Variants in SH3TC2 observed in about 807,000 individuals in gnomAD.
The protein encoded by SH3TC2 is SH3 domain and tetratricopeptide repeats 2, also known as SH3 domain and tetratricopeptide repeat-containing protein 2.
A neutral mutation model predicts 124.5 loss-of-function variants in SH3TC2; 87 were observed. The ratio of observed to expected loss-of-function variants is 0.70; its 90% CI spans 0.59 to 0.84. The LOEUF is 0.84. Among genes scored for constraint, SH3TC2 ranks in the 40% least tolerant of loss-of-function variants. The probability of loss-of-function intolerance (pLI) is 0.00; values close to 1 mark genes in which losing one functional copy is unlikely to be tolerated. For missense variants in SH3TC2, 1,536 were observed against 1,566.4 expected, an observed-to-expected ratio of 0.98 and a Z score of 0.33; for synonymous variants, 634 against 628.5, an observed-to-expected ratio of 1.01 and a Z score of -0.13.
At chr5:149,019,719 A>G (rs1753935829) in intron 12 of SH3TC2, among the ~76,000 whole-genome samples, 1 of 152,208 alleles carries the variant, frequency 6.6e-6, no homozygotes, top group African/African-American at 2.4e-5. Flanking sequence ...ATTTAGGAAA[A>G]CGGCGGAATC....
intron 8 of SH3TC2, among the ~76,000 whole-genome samples, chr5:149,037,814 G>T (rs889738825): frequency 3.3e-5 from 5 of 152,182 alleles, no homozygotes; most frequent in African/African-American, 1.2e-4. Flanking sequence ...AAGAGTAAGA[G>T]AAACACTCTG....
intron 1 of SH3TC2, chr5:149,057,451 A>T (rs867283312): frequency 1.3e-5 from 2 of 152,020 alleles, no homozygotes; most frequent in South Asian, 4.2e-4. Context: ...CCTGTGCAGG[A>T]TATGCAGGTT....
intron 12 of SH3TC2, among the ~76,000 whole-genome samples, chr5:149,014,828 G>A (rs928892271): frequency 1.5e-4 from 23 of 152,184 alleles, no homozygotes; most frequent in African/African-American, 4.8e-4. Context: ...AACTCAAGCC[G>A]GGTTGAGATT....
At position 148,999,921 on chromosome 5, in the gene SH3TC2, C is replaced by T; in HGVS notation, c.*4790G>A. ...CACTGCACTCAGAGTGACCTGTTCT[C>T]AGAAAACATCACCCCCTGTCCACCC... On this transcript the variant is annotated 3_prime_UTR_variant, in exon 17 of 17. Transcript: ENST00000515425. Among the ~76,000 whole-genome samples, 1 of 152,164 alleles carries T rather than the reference C, an allele frequency of 6.6e-6. No homozygotes were observed. The highest frequency in any genetic ancestry group is 1.9e-4 in the East Asian group (1 of 5,184).
At chr5:149,047,527 G>A (rs979297870) in intron 3 of SH3TC2, 33 of 308,752 alleles carry the variant, frequency 1.1e-4, no homozygotes, top group Admixed American at 3.1e-4. Context: ...TGAAATTACC[G>A]CATTAGAAAA....
chr5:149,028,793 A>G, intron 9 of SH3TC2, 75 bp from the exon 10 acceptor site: 1 of 1,487,556 alleles, frequency 6.7e-7, no homozygotes, highest in Non-Finnish European at 9.4e-7. Context: ...GGTGTACCCC[A>G]GATCAGTGGC....
chr5:149,028,131 A>C lies in SH3TC2; in HGVS notation c.1601T>G (p.Leu534Arg). The change falls in exon 11 of 17, where the codon CTG becomes CGG. Residue 534 changes from leucine to arginine, a missense_variant. By Grantham distance (102) the Leu-to-Arg change is moderately radical. Coordinates refer to ENST00000515425, the MANE Select transcript of SH3TC2 (RefSeq NM_024577.4). ...GACCTTCCTGATGCTCAGCCGGCCC[A>C]GGAGGAAGCAGAGACGGGCATGGGC... Reference protein sequence around the residue: ...TWAHARLCFLLGRLSIRKVKL... With the variant: ...TWAHARLCFLRGRLSIRKVKL... The C allele has an allele frequency of 6.2e-7, 1 of 1,614,108 alleles. No homozygotes were observed. The highest frequency in any genetic ancestry group is 8.5e-7 in the Non-Finnish European group (1 of 1,180,014).
In SH3TC2 at chr5:148,989,475, A is replaced by T. The variant is rs1190211099; in HGVS notation, c.*15236T>A. On this transcript the variant is annotated 3_prime_UTR_variant, in exon 17 of 17. Coordinates refer to ENST00000515425, the MANE Select transcript of SH3TC2 (RefSeq NM_024577.4). The stretch of plus-strand genomic sequence containing the variant: ...GAATTCATTCACATCCAGAAATCAC[A>T]TTGTAGTTGTTGAATCCTTTGGCAG... Among the ~76,000 whole-genome samples, 1 of 152,190 alleles carries T rather than the reference A, an allele frequency of 6.6e-6. No homozygotes were observed. The highest frequency in any genetic ancestry group is 2.4e-5 in the African/African-American group (1 of 41,434).
At position 149,052,173 on chromosome 5, in the gene SH3TC2, T is replaced by C; in HGVS notation, c.120A>G (p.Glu40=). 6.2e-7 allele frequency: 1 copy of C among 1,613,646 alleles called. No homozygotes were observed. Among genetic ancestry groups the C allele is most frequent in the South Asian group, 1.1e-5 (1 of 91,076 alleles). Residue 40 remains glutamate (E), a synonymous_variant, in exon 2 of 17, where the codon GAA becomes GAG. Coordinates refer to ENST00000515425, the MANE Select transcript of SH3TC2 (RefSeq NM_024577.4). The part of the protein sequence containing the change: ...SECIASSEYK[E]KCFLPQNINP... The stretch of plus-strand genomic sequence containing the variant: ...TAATGTTCTGTGGCAGAAAACATTT[T>C]TCCTTGTATTCAGATGAGGCTATAC...
rs1395693370 is a variant in SH3TC2, at chr5:148,990,081, A to T, written c.*14630T>A. Among the ~76,000 whole-genome samples the T allele has an allele frequency of 6.6e-6, 1 of 151,900 alleles. No homozygotes were observed. Among genetic ancestry groups the T allele is most frequent in the Non-Finnish European group, 1.5e-5 (1 of 67,984 alleles). On this transcript the variant is annotated 3_prime_UTR_variant, in exon 17 of 17. Transcript: ENST00000515425. ...AAGCCAGTTTTCCCTGCTTTCTCTCATGGGTGAACCATCCTGGGGAAACTG... is the reference window on the plus strand; with the variant it reads ...AAGCCAGTTTTCCCTGCTTTCTCTCTTGGGTGAACCATCCTGGGGAAACTG...
intron 8 of SH3TC2, chr5:149,036,128 A>T (rs114220051): frequency 2.4e-4 from 36 of 152,362 alleles, no homozygotes; most frequent in African/African-American, 8.7e-4. Context: ...CACATTTTAC[A>T]GATGAGAAAA....
At chr5:149,062,743 C>T (rs554889758) in intron 1 of SH3TC2, among the ~76,000 whole-genome samples, 1 of 152,318 alleles carries the variant, frequency 6.6e-6, no homozygotes, top group African/African-American at 2.4e-5. Flanking sequence ...ACAGAGTAAA[C>T]TCAAAGGCTC....
At chr5:149,016,852 G>A (rs1753882417) in intron 12 of SH3TC2, among the ~76,000 whole-genome samples, 2 of 151,402 alleles carry the variant, frequency 1.3e-5, no homozygotes, top group African/African-American at 4.8e-5. Flanking sequence ...ATGAACCCAG[G>A]AGGCGGAGGT....
rs775155760 is a variant in SH3TC2 at position 149,010,255 on chromosome 5, A to G, written c.3327+15T>C. On this transcript the variant is annotated intron_variant, in intron 14 of 16. Coordinates refer to ENST00000515425, the MANE Select transcript of SH3TC2 (RefSeq NM_024577.4). Reference sequence around the variant, plus strand: ...GCCAGGACCTGTCTCAGCAAACTGCACAGCTTGGACTTACTCGGTAGTACT... The same window carrying G: ...GCCAGGACCTGTCTCAGCAAACTGCGCAGCTTGGACTTACTCGGTAGTACT... 2.5e-6 allele frequency: 4 copies of G among 1,614,180 alleles called. No individual in the cohort carries two copies. The highest frequency in any genetic ancestry group is 3.4e-6 in the Non-Finnish European group (4 of 1,180,042).
chr5:149,052,206 C>T lies in SH3TC2; in HGVS notation c.87G>A (p.Ser29=), dbSNP rs148793803. Residue 29 remains serine, a synonymous_variant, in exon 2 of 17, where the codon TCG becomes TCA. Transcript: ENST00000515425. ...ATTCAGATGAGGCTATACACTCACTCGATACAGTTGGATCCTTGGAAGGAG... is the reference window on the plus strand; with the variant it reads ...ATTCAGATGAGGCTATACACTCACTTGATACAGTTGGATCCTTGGAAGGAG... ...KETPSKDPTV[S]SECIASSEYK... 4.1e-5 allele frequency: 66 copies of T among 1,613,370 alleles called. No homozygotes were observed. The African/African-American group carries it at 4.7e-4, about 11-fold the overall frequency.
At chr5:149,013,811 T>C (rs1753824730) in intron 12 of SH3TC2, among the ~76,000 whole-genome samples, 1 of 152,212 alleles carries the variant, frequency 6.6e-6, no homozygotes, top group Admixed American at 6.5e-5. Context: ...ATAGTAGTTC[T>C]CAGTCCTGGC....
intron 8 of SH3TC2, among the ~76,000 whole-genome samples, chr5:149,032,293 G>A (rs1051271195): frequency 6.6e-6 from 1 of 152,136 alleles, no homozygotes; most frequent in Admixed American, 6.5e-5. Flanking sequence ...GAAGATTAGG[G>A]GAGCTGAAAG....
intron 3 of SH3TC2, chr5:149,046,295 G>C (rs1754462982): frequency 6.5e-6 from 1 of 153,092 alleles, no homozygotes. Context: ...CTACATCCCT[G>C]GCACTTCACC....
chr5:149,031,970 AAAAC>A (rs1249401536), intron 8 of SH3TC2, among the ~76,000 whole-genome samples: 23 of 152,182 alleles, frequency 1.5e-4, no homozygotes, highest in African/African-American at 5.3e-4. Flanking sequence ...TCTCCCAAGA[AAAAC>A]AAAGCCCCTT....
Sources: gnomAD v4.1 joint callset for allele counts (sites outside exome capture counted in the v4.1 genomes callset) on GRCh38, gnomAD v4.1.1 for gene constraint, MANE v1.5 for transcripts, NCBI Gene and HGNC (gene_info 2026-07-23, HGNC 2026-07-21) for gene names.